Variants in SULT1E1 observed in about 807,000 individuals in gnomAD.
The protein encoded by SULT1E1 is sulfotransferase family 1E member 1, also known as sulfotransferase 1E1.
In SULT1E1, 36 loss-of-function variants were observed where a neutral mutation model predicts 33.6. That is an observed-to-expected ratio of 1.07 (90% confidence interval 0.82 to 1.41). The LOEUF is 1.41. SULT1E1 is among the 40% of genes most tolerant of loss of function. The pLI, the probability that SULT1E1 is intolerant of heterozygous loss-of-function variation, is 0.00. For missense variants in SULT1E1, 371 were observed against 345.7 expected, an observed-to-expected ratio of 1.07 and a Z score of -0.58; for synonymous variants, 121 against 111.7, an observed-to-expected ratio of 1.08 and a Z score of -0.53.
At position 69,842,123 on chromosome 4, in the gene SULT1E1, AG is replaced by A; in HGVS notation, c.773-18del. 1 of 1,432,006 alleles carries A rather than the reference AG, an allele frequency of 7.0e-7. No homozygotes were observed. Among genetic ancestry groups the A allele is most frequent in the Non-Finnish European group, 9.7e-7 (1 of 1,026,956 alleles). 88.7% of individuals were successfully genotyped at this position (1,432,006 alleles called of 1,614,324 possible). On this transcript the variant is annotated intron_variant, in intron 7 of 7. Coordinates refer to ENST00000226444, the MANE Select transcript of SULT1E1 (RefSeq NM_005420.3). Reference sequence around the variant, plus strand: ...CTGTAATTCCTGTAACAAAAAAGAAAGCTCAATAAATATTAAGTCTTCCAAA... The same window carrying A: ...CTGTAATTCCTGTAACAAAAAAGAAACTCAATAAATATTAAGTCTTCCAAA...
chr4:69,848,069 G>A (rs1721018227), intron 5 of SULT1E1, among the ~76,000 whole-genome samples: 1 of 145,064 alleles, frequency 6.9e-6, no homozygotes, highest in East Asian at 2.0e-4. Context: ...TAAAGCTTAT[G>A]AGAAAATTGT....
downstream of SULT1E1, among the ~76,000 whole-genome samples, chr4:69,840,994 A>G (rs540891558): frequency 5.1e-4 from 78 of 152,210 alleles, no homozygotes; most frequent in African/African-American, 1.8e-3. Flanking sequence ...TGCAGTGAGC[A>G]TGAGCAGAGA....
At chr4:69,837,893 T>C (rs1720819425), downstream of SULT1E1, among the ~76,000 whole-genome samples, 1 of 152,234 alleles carries the variant, frequency 6.6e-6, no homozygotes, top group African/African-American at 2.4e-5. Flanking sequence ...AAATGTTTCA[T>C]AAAATTCACT....
At position 69,841,565 on chromosome 4, in the gene SULT1E1, T is replaced by C. The variant is rs979819138; in HGVS notation, c.*429A>G. On this transcript the variant is annotated 3_prime_UTR_variant, in exon 8 of 8. Transcript: ENST00000226444. ...CCCCTGTCTATACAAAAAATAGAAA[T>C]AAAATTAGTTGAGCATGGTGGTGTG... is the stretch of plus-strand genomic sequence containing the variant. 1 of 154,164 alleles carries C rather than the reference T, an allele frequency of 6.5e-6. No individual in the cohort carries two copies. The highest frequency in any genetic ancestry group is 2.4e-5 in the African/African-American group (1 of 41,314). The allele number at this position is 154,164 out of a possible 1,614,324, so 9.5% of individuals were successfully genotyped here.
At chr4:69,854,187 G>T in intron 4 of SULT1E1, 30 bp downstream of exon 4, 1 of 1,522,380 alleles carries the variant, frequency 6.6e-7, no homozygotes, top group Non-Finnish European at 9.1e-7. Flanking sequence ...GGAATTGGAT[G>T]AAGTTTTGAG....
downstream of SULT1E1, among the ~76,000 whole-genome samples, chr4:69,837,790 C>A (rs1720817953): frequency 3.9e-5 from 6 of 152,140 alleles, no homozygotes; most frequent in South Asian, 8.3e-4. Flanking sequence ...CTTGACCTCC[C>A]AAAGTGCTGG....
the SULT1E1 span, among the ~76,000 whole-genome samples, chr4:69,823,799 T>C: frequency 6.6e-6 from 1 of 152,180 alleles, no homozygotes; most frequent in Non-Finnish European, 1.5e-5. Flanking sequence ...CAGAAGTTCC[T>C]GTAGGCAAAG....
chr4:69,827,836 A>G, the SULT1E1 span, among the ~76,000 whole-genome samples: 1 of 152,340 alleles, frequency 6.6e-6, no homozygotes, highest in East Asian at 1.9e-4. Context: ...GAGCAGGCCA[A>G]TTACCCGTGA....
chr4:69,852,183 A>G (rs1408918833), intron 4 of SULT1E1, among the ~76,000 whole-genome samples: 3 of 152,050 alleles, frequency 2.0e-5, no homozygotes, highest in African/African-American at 7.2e-5. Flanking sequence ...TACCTCTCCT[A>G]TCTGATGCTA....
the SULT1E1 span, among the ~76,000 whole-genome samples, chr4:69,826,673 A>G: frequency 1.4e-4 from 22 of 152,188 alleles, no homozygotes; most frequent in African/African-American, 4.6e-4. Flanking sequence ...TTTTTTCTGC[A>G]CTATGGCTTG....
intron 6 of SULT1E1, among the ~76,000 whole-genome samples, chr4:69,846,154 A>G (rs1720971563): frequency 6.7e-6 from 1 of 150,056 alleles, no homozygotes; most frequent in African/African-American, 2.4e-5. Flanking sequence ...ATTATGAGAT[A>G]TATGTATATA....
the SULT1E1 span, among the ~76,000 whole-genome samples, chr4:69,821,629 T>A: frequency 3.9e-5 from 6 of 152,220 alleles, no homozygotes; most frequent in East Asian, 1.2e-3. Flanking sequence ...TGACAGATAC[T>A]TTCATTCGTG....
intron 4 of SULT1E1, among the ~76,000 whole-genome samples, chr4:69,850,807 A>G (rs1721085216): frequency 6.6e-6 from 1 of 151,902 alleles, no homozygotes; most frequent in South Asian, 2.1e-4. Flanking sequence ...TTATTTTCCC[A>G]GATAGAAAAA....
chr4:69,826,082 T>C, the SULT1E1 span, among the ~76,000 whole-genome samples: 2 of 152,168 alleles, frequency 1.3e-5, no homozygotes, highest in Non-Finnish European at 2.9e-5. Flanking sequence ...ACAAAAGCTA[T>C]TCCTGAAGCT....
chr4:69,828,738 C>T, the SULT1E1 span, among the ~76,000 whole-genome samples: 2 of 152,232 alleles, frequency 1.3e-5, no homozygotes, highest in Non-Finnish European at 2.9e-5. Flanking sequence ...ACTACCGAGC[C>T]ATCTTTTCCC....
At chr4:69,848,386 T>C (rs1347125108) in intron 5 of SULT1E1, among the ~76,000 whole-genome samples, 1 of 151,842 alleles carries the variant, frequency 6.6e-6, no homozygotes, top group Non-Finnish European at 1.5e-5. Context: ...TTCTTTCTCT[T>C]GCCTCACTCA....
intron 5 of SULT1E1, among the ~76,000 whole-genome samples, chr4:69,848,816 T>G (rs1348369823): frequency 6.6e-6 from 1 of 151,944 alleles, no homozygotes; most frequent in Non-Finnish European, 1.5e-5. Context: ...TACTAGACTA[T>G]CCTGCACCCT....
chr4:69,829,578 T>C, the SULT1E1 span, among the ~76,000 whole-genome samples: 7 of 152,168 alleles, frequency 4.6e-5, no homozygotes, highest in South Asian at 1.0e-3. Flanking sequence ...AGCCTATGGG[T>C]GAGCTAGGTT....
At chr4:69,847,879 T>C in intron 5 of SULT1E1, 87 bp from the exon 6 acceptor site, 1 of 694,454 alleles carries the variant, frequency 1.4e-6, no homozygotes, top group South Asian at 1.9e-5. Context: ...TAACAACAAA[T>C]AAATATAAAT....
Sources: gnomAD v4.1 joint callset for allele counts (sites outside exome capture counted in the v4.1 genomes callset) on GRCh38, gnomAD v4.1.1 for gene constraint, MANE v1.5 for transcripts, NCBI Gene and HGNC (gene_info 2026-07-23, HGNC 2026-07-21) for gene names.